Variants in CNTN4 observed in about 807,000 individuals in gnomAD.
CNTN4 encodes contactin 4, also known as contactin-4.
In CNTN4, 77 loss-of-function variants were observed where a neutral mutation model predicts 122.5. The ratio of observed to expected loss-of-function variants is 0.63; its 90% CI spans 0.52 to 0.76. The LOEUF is 0.76. Ranked by LOEUF, CNTN4 falls within the 30% of genes least tolerant of loss-of-function variation. The probability of loss-of-function intolerance (pLI) is 0.00; values close to 1 mark genes in which losing one functional copy is unlikely to be tolerated. For synonymous variants in CNTN4, 512 were observed against 447.0 expected (o/e 1.15, Z -1.83); for missense variants, 1,256 against 1,259.1 (o/e 1.00, Z 0.04).
chr3:2,225,144 C>T (rs1234618217), intron 2 of CNTN4, among the ~76,000 whole-genome samples: 1 of 144,794 alleles, frequency 6.9e-6, no homozygotes, highest in Non-Finnish European at 1.5e-5. Flanking sequence ...GGGCGAGACT[C>T]TGTACCCACC....
intron 3 of CNTN4, among the ~76,000 whole-genome samples, chr3:2,526,291 G>C (rs2077395619): frequency 6.6e-6 from 1 of 152,112 alleles, no homozygotes; most frequent in Non-Finnish European, 1.5e-5. Flanking sequence ...AAAGTTAAAA[G>C]AAGGAAAAGA....
intron 2 of CNTN4, among the ~76,000 whole-genome samples, chr3:2,237,517 T>C (rs535433001): frequency 6.6e-6 from 1 of 152,256 alleles, no homozygotes; most frequent in South Asian, 2.1e-4. Flanking sequence ...AAAGGTTTAG[T>C]GTAAAATCTT....
chr3:2,223,271 G>A lies in CNTN4; in HGVS notation c.-144-115907G>A, dbSNP rs76026688. 8.7e-3 allele frequency among the ~76,000 whole-genome samples: 1,329 copies of A among 152,262 alleles called. 28 individuals carry two copies. The highest frequency in any genetic ancestry group is 0.031 in the African/African-American group (1,267 of 41,540). ...TCCAGTTGCCCTGTGGGTGTCCGTG[G>A]TGGTAACCAGTTTAATAACCCTCCC... On this transcript the variant is annotated intron_variant, in intron 2 of 24. Coordinates refer to ENST00000418658, the MANE Select transcript of CNTN4 (RefSeq NM_175607.3).
At chr3:2,207,752 T>C (rs937336705) in intron 2 of CNTN4, among the ~76,000 whole-genome samples, 3 of 151,964 alleles carry the variant, frequency 2.0e-5, no homozygotes, top group Non-Finnish European at 4.4e-5. Context: ...AAAGAAGAGA[T>C]TTTCAGTGTA....
At chr3:2,337,112 CCT>C (rs2043985457) in intron 2 of CNTN4, among the ~76,000 whole-genome samples, 2 of 152,168 alleles carry the variant, frequency 1.3e-5, no homozygotes, top group South Asian at 4.2e-4. Flanking sequence ...ATATATTCCC[CCT>C]CACTCTTCTT....
chr3:2,140,057 A>G (rs1273293052), intron 2 of CNTN4, among the ~76,000 whole-genome samples: 1 of 152,134 alleles, frequency 6.6e-6, no homozygotes, highest in Non-Finnish European at 1.5e-5. Flanking sequence ...TATAAAGAGG[A>G]GTTCCCCTGC....
chr3:2,586,858 A>G (rs375884742), intron 4 of CNTN4, among the ~76,000 whole-genome samples: 5 of 152,170 alleles, frequency 3.3e-5, no homozygotes, highest in African/African-American at 1.2e-4. Flanking sequence ...CTGAATTGTT[A>G]CCTTATTTAC....
chr3:2,293,731 C>T (rs1575291183), intron 2 of CNTN4, among the ~76,000 whole-genome samples: 1 of 152,164 alleles, frequency 6.6e-6, no homozygotes, highest in South Asian at 2.1e-4. Flanking sequence ...TTCATTTTAG[C>T]ATATTGATAG....
chr3:2,635,891 A>G (rs963973264), intron 4 of CNTN4, among the ~76,000 whole-genome samples: 2 of 152,192 alleles, frequency 1.3e-5, no homozygotes, highest in African/African-American at 2.4e-5. Flanking sequence ...CCACCTCTGG[A>G]CAATGAGACA....
At chr3:2,710,927 C>T (rs1181101771) in intron 4 of CNTN4, among the ~76,000 whole-genome samples, 1 of 152,152 alleles carries the variant, frequency 6.6e-6, no homozygotes, top group Non-Finnish European at 1.5e-5. Flanking sequence ...TACTTGACCC[C>T]AAGCTTCAAA....
At chr3:2,526,906 G>C (rs2077417015) in intron 3 of CNTN4, among the ~76,000 whole-genome samples, 1 of 152,076 alleles carries the variant, frequency 6.6e-6, no homozygotes, top group African/African-American at 2.4e-5. Flanking sequence ...CTTGATAACT[G>C]GTTTGCTTAG....
chr3:2,239,038 A>G (rs1179044728), intron 2 of CNTN4: 1 of 151,908 alleles, frequency 6.6e-6, no homozygotes, highest in Non-Finnish European at 1.5e-5. Context: ...CTCTGTTTTT[A>G]TTAGAAAAAT....
At chr3:2,754,473 G>C (rs1371641073) in intron 6 of CNTN4, among the ~76,000 whole-genome samples, 1 of 152,132 alleles carries the variant, frequency 6.6e-6, no homozygotes, top group Non-Finnish European at 1.5e-5. Flanking sequence ...GGAAGCAAAT[G>C]GGTGATATCT....
chr3:2,511,979 G>A (rs762422190), intron 3 of CNTN4, among the ~76,000 whole-genome samples: 3 of 152,102 alleles, frequency 2.0e-5, no homozygotes, highest in African/African-American at 4.8e-5. Flanking sequence ...AGGATGATTA[G>A]AGCATATATT....
intron 3 of CNTN4, among the ~76,000 whole-genome samples, chr3:2,552,424 A>G (rs969329221): frequency 6.6e-6 from 1 of 152,144 alleles, no homozygotes; most frequent in African/African-American, 2.4e-5. Flanking sequence ...TAAATTAGGG[A>G]ATATAGGTTT....
At chr3:2,622,441 G>A (rs1275437254) in intron 4 of CNTN4, among the ~76,000 whole-genome samples, 3 of 152,098 alleles carry the variant, frequency 2.0e-5, no homozygotes, top group Non-Finnish European at 2.9e-5. Flanking sequence ...ACAAGTGTGT[G>A]CCACCACGCC....
At chr3:2,284,602 G>A (rs1403226388) in intron 2 of CNTN4, among the ~76,000 whole-genome samples, 1 of 151,962 alleles carries the variant, frequency 6.6e-6, no homozygotes, top group African/African-American at 2.4e-5. Flanking sequence ...AGTTGGTTAT[G>A]TAATCATACT....
chr3:2,472,332 C>G (rs746138516), intron 3 of CNTN4, among the ~76,000 whole-genome samples: 2 of 152,068 alleles, frequency 1.3e-5, no homozygotes, highest in Non-Finnish European at 2.9e-5. Flanking sequence ...CTTCCACCTC[C>G]CGGGTTCAAG....
intron 6 of CNTN4, among the ~76,000 whole-genome samples, chr3:2,804,460 TA>T (rs2092418355): frequency 6.6e-6 from 1 of 152,226 alleles, no homozygotes; most frequent in African/African-American, 2.4e-5. Context: ...AAAAGGAATA[TA>T]AAATTACCCA....
Sources: gnomAD v4.1 joint callset for allele counts (sites outside exome capture counted in the v4.1 genomes callset) on GRCh38, gnomAD v4.1.1 for gene constraint, MANE v1.5 for transcripts, NCBI Gene and HGNC (gene_info 2026-07-23, HGNC 2026-07-21) for gene names.